Variants in HDLBP observed in about 807,000 individuals in gnomAD.
HDLBP encodes the protein vigilin.
Under a neutral mutation model 137.3 loss-of-function variants are expected in HDLBP, and 30 were observed. That is an observed-to-expected ratio of 0.22 (90% CI 0.16 to 0.30). HDLBP has a LOEUF of 0.30. HDLBP is among the 10% of genes least tolerant of loss of function. The pLI, the probability that HDLBP is intolerant of heterozygous loss-of-function variation, is 1.00. For missense variants in HDLBP, 1,119 were observed against 1,667.3 expected (o/e 0.67, Z 5.73); for synonymous variants, 606 against 596.0 (o/e 1.02, Z -0.24).
chr2:241,255,185 G>A (rs2072517359), intron 8 of HDLBP, 27 bp from the exon 9 acceptor site: 1 of 1,597,882 alleles, frequency 6.3e-7, no homozygotes, highest in Non-Finnish European at 8.6e-7. Flanking sequence ...ACAGCCATGG[G>A]TTTGCAGAGC....
At chr2:241,271,685 C>A (rs1473964285) in intron 1 of HDLBP, among the ~76,000 whole-genome samples, 1 of 152,198 alleles carries the variant, frequency 6.6e-6, no homozygotes, top group Non-Finnish European at 1.5e-5. Flanking sequence ...GTTAATGAGA[C>A]CCGCAAGTGC....
chr2:241,229,455 G>C lies in HDLBP; in HGVS notation c.*146C>G, dbSNP rs898544514. ...GGAGGAGCGGCCGCACACACAGCCA[G>C]GCGCTAGGCTCCCTGCGGGACCTCG... On this transcript the variant is annotated 3_prime_UTR_variant, in exon 28 of 28. Coordinates refer to ENST00000310931, the MANE Select transcript of HDLBP (RefSeq NM_005336.6). The C allele has an allele frequency of 6.3e-6, 4 of 631,430 alleles. No homozygotes were observed. In the African/African-American group the frequency reaches 7.4e-5, roughly 12 times the overall value. 39.1% of individuals were successfully genotyped at this position (631,430 alleles called of 1,614,324 possible).
In HDLBP at chr2:241,230,074, C is replaced by G. The variant is rs1477570951; in HGVS notation, c.3591+79G>C. The G allele has an allele frequency of 3.2e-6, 5 of 1,584,664 alleles. No individual in the cohort carries two copies. In the Admixed American group the frequency reaches 8.5e-5, roughly 27 times the overall value. On this transcript the variant is annotated intron_variant, in intron 26 of 27. Coordinates refer to ENST00000310931, the MANE Select transcript of HDLBP (RefSeq NM_005336.6). This position sits in a 1 kb window ranked among gnomAD's most constrained non-coding sequence, Gnocchi z 5.0. ...TCTGGAAACACAAGTGCCACCTTGT[C>G]CCCTGAAGCTCCTGGCTGGGCCTCA...
intron 4 of HDLBP, 61 bp from the exon 5 acceptor site, chr2:241,262,987 G>C: frequency 1.5e-6 from 2 of 1,296,616 alleles, no homozygotes; most frequent in South Asian, 1.2e-5. Flanking sequence ...AACAGATAGG[G>C]AGTAAAGAAC....
chr2:241,236,696 G>T lies in HDLBP; in HGVS notation c.2823C>A (p.Asp941Glu), dbSNP rs1027587329. Residue 941 changes from aspartate to glutamate, a missense_variant, in exon 21 of 28, where the codon GAC becomes GAA. By Grantham distance (45) the Asp-to-Glu change is conservative. Transcript: ENST00000310931. ...TGTCACACCTCCTTGGAGAGCCGGG[G>T]TCACAATCTTTAGCCTCTCTCCCCT... ...AGEGREAKDC[D>E]PGSPRRCDII... 2 of 1,614,098 alleles carry T rather than the reference G, an allele frequency of 1.2e-6. No homozygotes were observed. The highest frequency in any genetic ancestry group is 1.1e-5 in the South Asian group (1 of 91,080).
chr2:241,303,783 A>G (rs1202554182), intron 1 of HDLBP, among the ~76,000 whole-genome samples: 1 of 152,210 alleles, frequency 6.6e-6, no homozygotes, highest in Non-Finnish European at 1.5e-5. Flanking sequence ...TAATTCACCA[A>G]AAAGTCAAGA....
At chr2:241,302,007 G>A (rs1190679835) in intron 1 of HDLBP, among the ~76,000 whole-genome samples, 2 of 151,102 alleles carry the variant, frequency 1.3e-5, no homozygotes, top group African/African-American at 4.9e-5. Context: ...GAGGTGGGAG[G>A]ACTGCTTGAG....
chr2:241,248,089 G>C lies in HDLBP; in HGVS notation c.1645C>G (p.Gln549Glu). The C allele has an allele frequency of 6.2e-7, 1 of 1,613,968 alleles. No individual in the cohort carries two copies. Among genetic ancestry groups the C allele is most frequent in the Non-Finnish European group, 8.5e-7 (1 of 1,179,950 alleles). ...CTGAGCTGGACAATGTCACTTTTTT[G>C]TGCTGGGTCTGGAAAGTTAATGATG... The part of the protein sequence containing the change: ...EVIINFPDPA[Q>E]KSDIVQLRGP... The change falls in exon 14 of 28, where the codon CAA becomes GAA. Residue 549 changes from glutamine to glutamate, a missense_variant. Around this residue, in one of 4 missense-constraint regions of HDLBP, gnomAD observed 425 missense variants for 693.9 expected, o/e 0.61. Transcript: ENST00000310931.
rs2074139436 is a variant in HDLBP, at chr2:241,272,352, G to C, written c.-102-3811C>G. ...GGAGGGGAGGGCCGGCCCCGCCAAC[G>C]TCAGCGACCTGGGCTCAGGTCGGCC... On this transcript the variant is annotated intron_variant, in intron 1 of 27. Transcript: ENST00000310931. The surrounding 1 kb of genome is among the most constrained non-coding windows in gnomAD (Gnocchi z 5.6). 2.0e-5 allele frequency: 20 copies of C among 984,426 alleles called. No individual in the cohort carries two copies. The highest frequency in any genetic ancestry group is 2.4e-5 in the Non-Finnish European group (20 of 829,526). The allele number at this position is 984,426 out of a possible 1,614,324, so 61.0% of individuals were successfully genotyped here. A position where few individuals can be genotyped will look rare whatever the true frequency, so the allele number is the denominator to read the frequency against.
chr2:241,292,605 G>A (rs1001505586), intron 1 of HDLBP, among the ~76,000 whole-genome samples: 5 of 152,118 alleles, frequency 3.3e-5, no homozygotes, highest in Non-Finnish European at 5.9e-5. Context: ...TTTTAAAGCC[G>A]TTTCCTAAAA....
At chr2:241,302,554 G>C (rs2075430645) in intron 1 of HDLBP, 1 of 152,162 alleles carries the variant, frequency 6.6e-6, no homozygotes, top group East Asian at 1.9e-4. Context: ...AAACAAATTG[G>C]TAAAAGTGCC....
intron 5 of HDLBP, among the ~76,000 whole-genome samples, chr2:241,258,990 G>A (rs1450442250): frequency 6.6e-6 from 1 of 152,102 alleles, no homozygotes; most frequent in Admixed American, 6.5e-5. Flanking sequence ...AAGATACACT[G>A]GGTAAAACAG....
At chr2:241,291,620 CA>C (rs2075015989) in intron 1 of HDLBP, among the ~76,000 whole-genome samples, 1 of 152,160 alleles carries the variant, frequency 6.6e-6, no homozygotes, top group Admixed American at 6.5e-5. Context: ...AAAATTGATA[CA>C]GGAAATCTTC....
chr2:241,234,304 G>A (rs373904679), intron 23 of HDLBP, among the ~76,000 whole-genome samples: 8 of 152,188 alleles, frequency 5.3e-5, no homozygotes, highest in Non-Finnish European at 1.0e-4. Context: ...GGGATCTGAT[G>A]GATACGCACA....
Position 241,256,709 on chromosome 2 carries a change from T to C in HDLBP, c.548A>G (p.Lys183Arg). ...LQDLELKTAT[K>R]IQIPRPDDPS... ...GTCATCTGGGCGTGGGATCTGGATT[T>C]TGGTTGCAGTTTTTAGCTCCAAGTC... The change falls in exon 6 of 28, where the codon AAA becomes AGA. Residue 183 changes from lysine to arginine, a missense_variant. Physicochemically the swap from Lys to Arg is conservative, Grantham distance 26. This residue lies in a region of HDLBP where 425 missense variants were observed against 693.9 expected (regional missense o/e 0.61). Transcript: ENST00000310931. The C allele has an allele frequency of 6.2e-7, 1 of 1,614,210 alleles. No homozygotes were observed. The highest frequency in any genetic ancestry group is 8.5e-7 in the Non-Finnish European group (1 of 1,180,034).
At chr2:241,309,692 T>C (rs1221414785) in intron 1 of HDLBP, among the ~76,000 whole-genome samples, 2 of 152,146 alleles carry the variant, frequency 1.3e-5, no homozygotes, top group African/African-American at 2.4e-5. Flanking sequence ...TCTCCTATCC[T>C]GGCAAAAAGG....
intron 16 of HDLBP, chr2:241,246,479 C>T (rs1276938527): frequency 5.1e-6 from 2 of 389,118 alleles, no homozygotes; most frequent in African/African-American, 4.1e-5. Flanking sequence ...TAAATACCTT[C>T]AGATAAGATT....
At position 241,238,067 on chromosome 2, in the gene HDLBP, G is replaced by A. The variant is rs1441835978; in HGVS notation, c.2749+582C>T. On this transcript the variant is annotated intron_variant, in intron 20 of 27. Transcript: ENST00000310931. The surrounding 1 kb of genome is among the most constrained non-coding windows in gnomAD (Gnocchi z 4.9). The stretch of plus-strand genomic sequence containing the variant: ...CGGGCATCTGATAACACAGAGTGGA[G>A]GGCATACCTTTTGTTTCACAAATGC... Among the ~76,000 whole-genome samples, 1 of 152,232 alleles carries A rather than the reference G, an allele frequency of 6.6e-6. No homozygotes were observed. The highest frequency in any genetic ancestry group is 2.4e-5 in the African/African-American group (1 of 41,462).
chr2:241,258,173 T>C (rs1017227738), intron 5 of HDLBP, among the ~76,000 whole-genome samples: 2 of 150,560 alleles, frequency 1.3e-5, no homozygotes, highest in African/African-American at 4.9e-5. Flanking sequence ...CCGAGGTGGG[T>C]GGATCACGAG....
Sources: allele counts gnomAD v4.1 joint callset (sites outside exome capture counted in the v4.1 genomes callset), GRCh38; gene constraint gnomAD v4.1.1; regional missense constraint gnomAD v4.1.1; non-coding constraint Gnocchi (gnomAD v3.1); transcripts MANE v1.5; gene names NCBI Gene and HGNC (gene_info 2026-07-23, HGNC 2026-07-21).